Variants in PGM5 observed in about 807,000 individuals in gnomAD.
PGM5 encodes the protein phosphoglucomutase 5.
In PGM5, 23 loss-of-function variants were observed where a neutral mutation model predicts 59.2. The ratio of observed to expected loss-of-function variants is 0.39; its 90% CI spans 0.28 to 0.55. The LOEUF (loss-of-function observed/expected upper bound fraction) is 0.55. Ranked by LOEUF, PGM5 falls within the 20% of genes least tolerant of loss-of-function variation. The pLI is 0.66. For synonymous variants in PGM5, 214 were observed against 286.0 expected (o/e 0.75, Z 2.54); for missense variants, 574 against 748.3 (o/e 0.77, Z 2.72).
At position 68,387,412 on chromosome 9, in the gene PGM5, A is replaced by G. The variant is rs375877333; in HGVS notation, c.572-51A>G. On this transcript the variant is annotated intron_variant, in intron 3 of 10. Coordinates refer to ENST00000396396, the MANE Select transcript of PGM5 (RefSeq NM_021965.4). ...AGTGATTCTTTTTATGCTTCCAAGT[A>G]TCTTTCATGGGTACAGTCAATGACA... 326 of 1,469,204 alleles carry G rather than the reference A, an allele frequency of 2.2e-4. 1 individual carries two copies. The African/African-American group carries it at 3.2e-3, about 15-fold the overall frequency. 91.0% of individuals were successfully genotyped at this position (1,469,204 alleles called of 1,614,324 possible).
intron 1 of PGM5, among the ~76,000 whole-genome samples, chr9:68,375,985 G>A (rs1821871107): frequency 6.6e-6 from 1 of 152,236 alleles, no homozygotes. Context: ...CGTTGTGGCT[G>A]GAACAGAAGA....
intron 2 of PGM5, among the ~76,000 whole-genome samples, chr9:68,382,915 G>T (rs1554678449): frequency 1.3e-5 from 2 of 151,982 alleles, no homozygotes; most frequent in Non-Finnish European, 2.9e-5. Flanking sequence ...CACAGCCAAA[G>T]AATATAGTAT....
chr9:68,528,816 T>C (rs1039639280), intron 10 of PGM5, among the ~76,000 whole-genome samples: 1 of 152,238 alleles, frequency 6.6e-6, no homozygotes, highest in African/African-American at 2.4e-5. Flanking sequence ...CTCACTGTTT[T>C]ATTAGCAATA....
intron 9 of PGM5, chr9:68,498,923 G>A (rs1159923727): frequency 9.2e-6 from 3 of 325,040 alleles, no homozygotes; most frequent in Middle Eastern, 9.7e-4. Flanking sequence ...TCATCCCTGT[G>A]ACTTCCACTT....
chr9:68,473,176 A>G (rs1824049227), intron 7 of PGM5, among the ~76,000 whole-genome samples: 1 of 152,162 alleles, frequency 6.6e-6, no homozygotes, highest in African/African-American at 2.4e-5. Context: ...GAGTGACCCC[A>G]CTTTAACCTC....
chr9:68,458,434 A>G (rs1268701438), intron 6 of PGM5, among the ~76,000 whole-genome samples: 1 of 152,244 alleles, frequency 6.6e-6, no homozygotes, highest in Non-Finnish European at 1.5e-5. Context: ...AGAAGTTTAG[A>G]GATACTATGA....
Position 68,508,297 on chromosome 9 carries a change from A to G in PGM5, c.1614+8936A>G, listed in dbSNP as rs576573140. Among the ~76,000 whole-genome samples, 7 of 152,350 alleles carry G rather than the reference A, an allele frequency of 4.6e-5. No individual in the cohort carries two copies. In the South Asian group the frequency reaches 1.0e-3, roughly 23 times the overall value. ...ACAGACCACTGAAGAGCCAAAAGGC[A>G]TGCCTTGATCCTGGCTTTAGGTCAA... is the stretch of plus-strand genomic sequence containing the variant. On this transcript the variant is annotated intron_variant, in intron 10 of 10. Transcript: ENST00000396396.
At chr9:68,412,967 C>T (rs1423346713) in intron 6 of PGM5, among the ~76,000 whole-genome samples, 1 of 152,170 alleles carries the variant, frequency 6.6e-6, no homozygotes, top group African/African-American at 2.4e-5. Context: ...TGACAGGAAA[C>T]ATCTGCTTTA....
chr9:68,521,576 A>G (rs940973779), intron 10 of PGM5, among the ~76,000 whole-genome samples: 3 of 152,212 alleles, frequency 2.0e-5, no homozygotes, highest in African/African-American at 7.2e-5. Flanking sequence ...AGTGTATTCC[A>G]TGTGAAAGAA....
intron 10 of PGM5, among the ~76,000 whole-genome samples, chr9:68,506,474 A>AAG (rs1824656994): frequency 1.3e-5 from 2 of 152,196 alleles, no homozygotes; most frequent in Non-Finnish European, 2.9e-5. Context: ...TTAAACTCTT[A>AAG]AGTTTAATTT....
chr9:68,476,362 G>A (rs527448809), intron 7 of PGM5, among the ~76,000 whole-genome samples: 22 of 151,948 alleles, frequency 1.4e-4, no homozygotes, highest in African/African-American at 5.1e-4. Flanking sequence ...ATTGACCTAT[G>A]AAAACATTAA....
intron 7 of PGM5, among the ~76,000 whole-genome samples, chr9:68,468,272 C>G (rs782264284): frequency 6.6e-6 from 1 of 152,128 alleles, no homozygotes; most frequent in Non-Finnish European, 1.5e-5. Context: ...TAACTGAGAA[C>G]ATCATGCTTA....
rs181465709 is a variant in PGM5 at position 68,529,084 on chromosome 9, T to C, written c.1615-483T>C. Reference sequence around the variant, plus strand: ...CATTTCTGCAACGTTGGCCAATGAATTGGTCTGTCATTTCAGAAACATCAG... The same window carrying C: ...CATTTCTGCAACGTTGGCCAATGAACTGGTCTGTCATTTCAGAAACATCAG... On this transcript the variant is annotated intron_variant, in intron 10 of 10. Coordinates refer to ENST00000396396, the MANE Select transcript of PGM5 (RefSeq NM_021965.4). Among the ~76,000 whole-genome samples the C allele has an allele frequency of 2.2e-4, 34 of 152,174 alleles. No individual in the cohort carries two copies. The East Asian group carries it at 3.9e-3, about 17-fold the overall frequency.
chr9:68,366,585 A>G (rs1834683479), intron 1 of PGM5, among the ~76,000 whole-genome samples: 1 of 152,290 alleles, frequency 6.6e-6, no homozygotes, highest in South Asian at 2.1e-4. Flanking sequence ...TCTATTCCAT[A>G]TACATCTCTG....
chr9:68,379,411 C>T (rs1395865407), intron 2 of PGM5, among the ~76,000 whole-genome samples: 3 of 152,084 alleles, frequency 2.0e-5, no homozygotes, highest in Admixed American at 6.6e-5. Flanking sequence ...TCCTTGCAGA[C>T]GTTTTACACG....
chr9:68,525,372 C>T (rs1373189492), intron 10 of PGM5, among the ~76,000 whole-genome samples: 2 of 152,192 alleles, frequency 1.3e-5, no homozygotes, highest in Admixed American at 6.5e-5. Context: ...CATGTGGCCA[C>T]TCATTCTAGC....
At chr9:68,429,296 T>C (rs1554682877) in intron 6 of PGM5, 1 of 152,206 alleles carries the variant, frequency 6.6e-6, no homozygotes, top group African/African-American at 2.4e-5. Context: ...TTAAATCTGA[T>C]ATATGCCTAC....
Position 68,357,110 on chromosome 9 carries a change from G to C in PGM5, c.-18G>C, listed in dbSNP as rs1161043445. On this transcript the variant is annotated 5_prime_UTR_variant, in exon 1 of 11. Transcript: ENST00000396396. ...CCTCCGGCTCCGGGAGCCGCAGCAGGACCGGCCAGGAGGCGCCATGGAGGG... is the reference window on the plus strand; with the variant it reads ...CCTCCGGCTCCGGGAGCCGCAGCAGCACCGGCCAGGAGGCGCCATGGAGGG... 6.6e-5 allele frequency: 98 copies of C among 1,495,392 alleles called. No homozygotes were observed. Among genetic ancestry groups the C allele is most frequent in the Non-Finnish European group, 8.3e-5 (94 of 1,127,056 alleles). The allele number at this position is 1,495,392 out of a possible 1,614,324, so 92.6% of individuals were successfully genotyped here.
intron 6 of PGM5, chr9:68,405,463 C>G (rs1822780278): frequency 1.3e-5 from 2 of 152,370 alleles, no homozygotes; most frequent in African/African-American, 4.8e-5. Context: ...CCTCCTCCTA[C>G]CCCTGCAAAT....
Sources: gnomAD v4.1 joint callset for allele counts (sites outside exome capture counted in the v4.1 genomes callset) on GRCh38, gnomAD v4.1.1 for gene constraint, MANE v1.5 for transcripts, NCBI Gene and HGNC (gene_info 2026-07-23, HGNC 2026-07-21) for gene names.